Variants in AGO2 observed in about 807,000 individuals in gnomAD.
AGO2 encodes argonaute RISC catalytic component 2, also known as protein argonaute-2.
A neutral mutation model predicts 102.3 loss-of-function variants in AGO2; 5 were observed. The ratio of observed to expected loss-of-function variants is 0.05; its 90% CI spans 0.03 to 0.10. The LOEUF (loss-of-function observed/expected upper bound fraction) is 0.10. Among genes scored for constraint, AGO2 ranks in the 10% least tolerant of loss-of-function variants. The probability of loss-of-function intolerance (pLI) is 1.00; values close to 1 mark genes in which losing one functional copy is unlikely to be tolerated. For synonymous variants in AGO2, 449 were observed against 473.1 expected (o/e 0.95, Z 0.66); for missense variants, 541 against 1,183.7 (o/e 0.46, Z 7.97).
rs1452399411 is a variant in AGO2 at position 140,524,247 on chromosome 8, T to TCTA, written c.*7794_*7796dup. On this transcript the variant is annotated 3_prime_UTR_variant, in exon 19 of 19. Coordinates refer to ENST00000220592, the MANE Select transcript of AGO2 (RefSeq NM_012154.5). ...TGATTCCAATTCCTTTTTTAAAAAA[T>TCTA]CTACTTCCATTACAATAAATATTCT... 6.6e-6 allele frequency: 1 copy of TCTA among 152,206 alleles called. No individual in the cohort carries two copies. The highest frequency in any genetic ancestry group is 1.5e-5 in the Non-Finnish European group (1 of 68,062). 9.4% of individuals were successfully genotyped at this position (152,206 alleles called of 1,614,324 possible).
intron 1 of AGO2, among the ~76,000 whole-genome samples, chr8:140,634,919 A>T (rs2074385478): frequency 6.6e-6 from 1 of 152,072 alleles, no homozygotes; most frequent in Non-Finnish European, 1.5e-5. Context: ...GCCACAACGG[A>T]GCGCGCCACA....
At chr8:140,546,288 G>A (rs1015422507) in intron 13 of AGO2, among the ~76,000 whole-genome samples, 1 of 152,226 alleles carries the variant, frequency 6.6e-6, no homozygotes, top group Non-Finnish European at 1.5e-5. Flanking sequence ...GTTTCTGGGT[G>A]CGTGTAACTC....
In AGO2 at chr8:140,524,184, C is replaced by CACCTT. The variant is rs1273141432; in HGVS notation, c.*7859_*7860insAAGGT. ...GGTCACAGGACTGAATAGCACCTTACAGCTGAGGACTTCACACACACACAT... is the reference window on the plus strand; with the variant it reads ...GGTCACAGGACTGAATAGCACCTTACACCTTAGCTGAGGACTTCACACACACACAT... On this transcript the variant is annotated 3_prime_UTR_variant, in exon 19 of 19. Transcript: ENST00000220592. The CACCTT allele has an allele frequency of 5.3e-5, 8 of 152,218 alleles. No homozygotes were observed. Among genetic ancestry groups the CACCTT allele is most frequent in the Non-Finnish European group, 8.8e-5 (6 of 68,052 alleles). The allele number at this position is 152,218 out of a possible 1,614,324, so 9.4% of individuals were successfully genotyped here. A position where few individuals can be genotyped will look rare whatever the true frequency, so the allele number is the denominator to read the frequency against.
intron 11 of AGO2, among the ~76,000 whole-genome samples, chr8:140,549,849 G>A (rs899559169): frequency 2.6e-5 from 4 of 152,228 alleles, no homozygotes; most frequent in African/African-American, 9.6e-5. Context: ...GCTGGCAACG[G>A]CTAGCCTTGT....
At chr8:140,606,895 C>A (rs1263886268) in intron 1 of AGO2, among the ~76,000 whole-genome samples, 2 of 151,822 alleles carry the variant, frequency 1.3e-5, no homozygotes, top group Non-Finnish European at 2.9e-5. Flanking sequence ...CGAGATCACA[C>A]CACTGTACTC....
rs552339823 is a variant in AGO2, at chr8:140,614,617, C to T, written c.22+20868G>A. On this transcript the variant is annotated intron_variant, in intron 1 of 18. Coordinates refer to ENST00000220592, the MANE Select transcript of AGO2 (RefSeq NM_012154.5). ...TGCAGCCCACACTCTACTAAGGCGT[C>T]CTTCCGGGCCTGGGGTCCAACAACC... 2.6e-5 allele frequency among the ~76,000 whole-genome samples: 4 copies of T among 152,350 alleles called. No homozygotes were observed. In the South Asian group the frequency reaches 8.3e-4, roughly 32 times the overall value.
chr8:140,613,512 TAA>T (rs755664963), intron 1 of AGO2, among the ~76,000 whole-genome samples: 9 of 152,158 alleles, frequency 5.9e-5, no homozygotes, highest in Non-Finnish European at 1.3e-4. Context: ...CTTAAGAATG[TAA>T]AGAGGTCCCA....
chr8:140,533,720 T>C (rs1278253594), intron 17 of AGO2, among the ~76,000 whole-genome samples: 1 of 151,652 alleles, frequency 6.6e-6, no homozygotes, highest in East Asian at 1.9e-4. Context: ...GGCATGAGAA[T>C]CGCTGGAACC....
chr8:140,601,336 C>T (rs865882968), intron 1 of AGO2, among the ~76,000 whole-genome samples: 1 of 152,218 alleles, frequency 6.6e-6, no homozygotes, highest in South Asian at 2.1e-4. Flanking sequence ...TTGTTAAAAA[C>T]GGTGCATGCC....
At chr8:140,552,781 A>G (rs2073025102) in intron 10 of AGO2, among the ~76,000 whole-genome samples, 1 of 150,964 alleles carries the variant, frequency 6.6e-6, no homozygotes, top group South Asian at 2.1e-4. Context: ...CACTCTTACT[A>G]TACAGGTGCT....
At position 140,522,678 on chromosome 8, in the gene AGO2, G is replaced by C. The variant is rs746566287; in HGVS notation, c.*9366C>G. Reference sequence around the variant, plus strand: ...AGCCAAGCTAGACAAGAGAGAGAGAGAGAGACAGAGACAGAGACAGAGAGA... The same window carrying C: ...AGCCAAGCTAGACAAGAGAGAGAGACAGAGACAGAGACAGAGACAGAGAGA... On this transcript the variant is annotated 3_prime_UTR_variant, in exon 19 of 19. Transcript: ENST00000220592. The C allele has an allele frequency of 7.3e-5, 10 of 136,800 alleles. No individual in the cohort carries two copies. The highest frequency in any genetic ancestry group is 3.1e-4 in the Admixed American group (4 of 13,018). The allele number at this position is 136,800 out of a possible 1,614,324, so 8.5% of individuals were successfully genotyped here. A position where few individuals can be genotyped will look rare whatever the true frequency, so the allele number is the denominator to read the frequency against.
chr8:140,636,788 A>G (rs4961227), upstream of AGO2: 150,578 of 152,336 alleles, frequency 0.99, 74,435 homozygotes, highest in Middle Eastern at 1. Flanking sequence ...GTAGTAATGA[A>G]CACCAGGAAA....
intron 1 of AGO2, among the ~76,000 whole-genome samples, chr8:140,588,206 A>C (rs2133020373): frequency 6.6e-6 from 1 of 152,314 alleles, no homozygotes; most frequent in Middle Eastern, 3.4e-3. Flanking sequence ...CATAAGTGTT[A>C]GTCTTGTCTC....
intron 1 of AGO2, among the ~76,000 whole-genome samples, chr8:140,615,558 G>A (rs2074131504): frequency 6.6e-6 from 1 of 152,224 alleles, no homozygotes; most frequent in Non-Finnish European, 1.5e-5. Context: ...CTGCCCCACC[G>A]CCTGGCCAGG....
intron 10 of AGO2, among the ~76,000 whole-genome samples, chr8:140,553,223 A>C (rs1227379701): frequency 6.6e-6 from 1 of 151,910 alleles, no homozygotes; most frequent in Non-Finnish European, 1.5e-5. Context: ...TCGTCTCTAC[A>C]AAACATTAAA....
At chr8:140,621,682 G>A (rs1435225854) in intron 1 of AGO2, among the ~76,000 whole-genome samples, 1 of 152,162 alleles carries the variant, frequency 6.6e-6, no homozygotes, top group Non-Finnish European at 1.5e-5. Context: ...TATCTATTAG[G>A]TGATCTGGGC....
chr8:140,539,552 G>GT lies in AGO2; in HGVS notation c.2035-99dup. 7.2e-7 allele frequency: 1 copy of GT among 1,398,008 alleles called. No individual in the cohort carries two copies. The highest frequency in any genetic ancestry group is 2.1e-5 in the Admixed American group (1 of 46,564). 86.6% of individuals were successfully genotyped at this position (1,398,008 alleles called of 1,614,324 possible). A position where few individuals can be genotyped will look rare whatever the true frequency, so the allele number is the denominator to read the frequency against. ...TCTGGGTTGAGAACACCCAGCCGTG[G>GT]TGATTCTGAGAGACAATGAGTGTGT... is the stretch of plus-strand genomic sequence containing the variant. On this transcript the variant is annotated intron_variant, in intron 15 of 18. Transcript: ENST00000220592. This position sits in a 1 kb window ranked among gnomAD's most constrained non-coding sequence, Gnocchi z 4.7.
rs899691038 is a variant in AGO2 at position 140,540,090 on chromosome 8, A to G, written c.2035-636T>C. Among the ~76,000 whole-genome samples, 2 of 152,160 alleles carry G rather than the reference A, an allele frequency of 1.3e-5. No homozygotes were observed. The highest frequency in any genetic ancestry group is 4.8e-5 in the African/African-American group (2 of 41,432). ...GGAGACAGCGAGAGTCTTTCTCAAAAAAAACAAACAAAAAAACAAAACAAA... is the reference window on the plus strand; with the variant it reads ...GGAGACAGCGAGAGTCTTTCTCAAAGAAAACAAACAAAAAAACAAAACAAA... On this transcript the variant is annotated intron_variant, in intron 15 of 18. Transcript: ENST00000220592. This position sits in a 1 kb window ranked among gnomAD's most constrained non-coding sequence, Gnocchi z 5.0.
At position 140,530,714 on chromosome 8, in the gene AGO2, C is replaced by T. The variant is rs187234470; in HGVS notation, c.*1330G>A. ...CCTCCCAGGGCCAGGCAAGCTCCTT[C>T]GCTGTGACCGACGGCCTCACGCCCA... On this transcript the variant is annotated 3_prime_UTR_variant, in exon 19 of 19. Coordinates refer to ENST00000220592, the MANE Select transcript of AGO2 (RefSeq NM_012154.5). 6.7e-3 allele frequency: 1,021 copies of T among 152,456 alleles called. 7 individuals carry two copies. The highest frequency in any genetic ancestry group is 0.016 in the Admixed American group (245 of 15,308). The allele number at this position is 152,456 out of a possible 1,614,324, so 9.4% of individuals were successfully genotyped here.
Sources: gnomAD v4.1 joint callset for allele counts (sites outside exome capture counted in the v4.1 genomes callset) on GRCh38, gnomAD v4.1.1 for gene constraint, Gnocchi (gnomAD v3.1) non-coding constraint, MANE v1.5 for transcripts, NCBI Gene and HGNC (gene_info 2026-07-23, HGNC 2026-07-21) for gene names.